Variants in TUFT1 observed in about 807,000 individuals in gnomAD.
TUFT1 encodes tuftelin 1.
A neutral mutation model predicts 57.8 loss-of-function variants in TUFT1; 43 were observed. The ratio of observed to expected loss-of-function variants is 0.74; its 90% CI spans 0.58 to 0.96. TUFT1 has a LOEUF of 0.96. Ranked by LOEUF, TUFT1 falls within the 40% of genes least tolerant of loss-of-function variation. The pLI, the probability that TUFT1 is intolerant of heterozygous loss-of-function variation, is 0.00. For synonymous variants in TUFT1, 166 were observed against 176.7 expected, an observed-to-expected ratio of 0.94 and a Z score of 0.48; for missense variants, 459 against 489.0, an observed-to-expected ratio of 0.94 and a Z score of 0.58.
chr1:151,540,375 G>A lies in TUFT1; in HGVS notation c.9G>A (p.Gly3=), dbSNP rs776077911. MN[G]TRNWCTLVDV... is the part of the protein sequence containing the mutation. ...TGCGACCCCGAGGGAAGATGAACGG[G>A]ACGCGGAACTGGTGTACCCTGGTGG... Residue 3 remains glycine, a synonymous_variant, in exon 1 of 13, where the codon GGG becomes GGA. Transcript: ENST00000368849. The A allele has an allele frequency of 2.2e-5, 35 of 1,614,056 alleles. No individual in the cohort carries two copies. Among genetic ancestry groups the A allele is most frequent in the Middle Eastern group, 3.3e-4 (2 of 6,080 alleles).
chr1:151,566,730 A>G (rs533431193), intron 6 of TUFT1, among the ~76,000 whole-genome samples: 44 of 152,222 alleles, frequency 2.9e-4, no homozygotes, highest in Non-Finnish European at 5.0e-4. Flanking sequence ...AAATATATGT[A>G]TATAATATAC....
At chr1:151,569,375 C>T (rs1056198421) in intron 6 of TUFT1, among the ~76,000 whole-genome samples, 1 of 152,104 alleles carries the variant, frequency 6.6e-6, no homozygotes, top group African/African-American at 2.4e-5. Context: ...ACCAAGAAAT[C>T]GATTAGTGGA....
intron 4 of TUFT1, 74 bp from the exon 5 acceptor site, chr1:151,564,451 G>A: frequency 9.0e-7 from 1 of 1,116,822 alleles, no homozygotes; most frequent in South Asian, 1.3e-5. Flanking sequence ...CCAGGGATGG[G>A]GCACAGAGTT....
chr1:151,551,411 T>A (rs1665503890), intron 1 of TUFT1, among the ~76,000 whole-genome samples: 1 of 152,214 alleles, frequency 6.6e-6, no homozygotes, highest in Non-Finnish European at 1.5e-5. Flanking sequence ...AGCTTATGAT[T>A]TTCTCGGGGG....
chr1:151,542,282 A>G (rs1200299291), intron 1 of TUFT1, among the ~76,000 whole-genome samples: 2 of 151,448 alleles, frequency 1.3e-5, no homozygotes, highest in African/African-American at 4.9e-5. Flanking sequence ...GTGCAATGGC[A>G]TGATCTCAGC....
chr1:151,552,474 C>T (rs1415737458), intron 1 of TUFT1, among the ~76,000 whole-genome samples: 6 of 152,090 alleles, frequency 3.9e-5, no homozygotes, highest in South Asian at 2.1e-4. Flanking sequence ...GAAGCCGAGG[C>T]GGGTGGATTA....
intron 6 of TUFT1, among the ~76,000 whole-genome samples, chr1:151,567,478 C>T (rs1265534823): frequency 6.6e-6 from 1 of 152,146 alleles, no homozygotes; most frequent in Non-Finnish European, 1.5e-5. Flanking sequence ...AAGTGATCTG[C>T]CCACCTCGGC....
chr1:151,565,243 A>G (rs1045313112), intron 5 of TUFT1, among the ~76,000 whole-genome samples: 5 of 152,206 alleles, frequency 3.3e-5, no homozygotes, highest in Non-Finnish European at 7.3e-5. Flanking sequence ...TGGGAGGGAT[A>G]ATCCTGGGAT....
intron 9 of TUFT1, among the ~76,000 whole-genome samples, 158 bp from the exon 10 acceptor site, chr1:151,578,563 T>G (rs1183383544): frequency 6.6e-6 from 1 of 152,074 alleles, no homozygotes; most frequent in African/African-American, 2.4e-5. Flanking sequence ...AATGTGATAT[T>G]CTAAGGTACC....
intron 1 of TUFT1, among the ~76,000 whole-genome samples, chr1:151,557,111 A>C (rs1005889634): frequency 4.6e-5 from 7 of 151,818 alleles, no homozygotes; most frequent in African/African-American, 1.7e-4. Context: ...TTCATTTATA[A>C]TGTTTTTGAG....
At chr1:151,563,551 T>C (rs1438937045) in intron 3 of TUFT1, among the ~76,000 whole-genome samples, 1 of 152,140 alleles carries the variant, frequency 6.6e-6, no homozygotes, top group East Asian at 1.9e-4. Context: ...GCCATCTAGG[T>C]TTGTGTGTGT....
rs182273527 is a variant in TUFT1, at chr1:151,554,231, C to T, written c.61-7860C>T. ...ACAAAGTTGTAGACTATCTGGGTTTCACCACTTTTTCCACTAATATCTTTT... is the reference window on the plus strand; with the variant it reads ...ACAAAGTTGTAGACTATCTGGGTTTTACCACTTTTTCCACTAATATCTTTT... On this transcript the variant is annotated intron_variant, in intron 1 of 12. Transcript: ENST00000368849. 6.1e-4 allele frequency among the ~76,000 whole-genome samples: 93 copies of T among 152,306 alleles called. 1 individual carries two copies. In the Middle Eastern group the frequency reaches 0.014, roughly 22 times the overall value.
chr1:151,549,587 A>G (rs1377481248), intron 1 of TUFT1, among the ~76,000 whole-genome samples: 3 of 151,962 alleles, frequency 2.0e-5, no homozygotes, highest in Non-Finnish European at 2.9e-5. Flanking sequence ...ACATCTATCT[A>G]CTCTTCCTAA....
At chr1:151,565,129 C>T (rs1666022344) in intron 5 of TUFT1, 1 of 152,738 alleles carries the variant, frequency 6.5e-6, no homozygotes, top group Admixed American at 6.5e-5. Context: ...CCCACCCCAC[C>T]CCACCTCGTG....
Position 151,580,969 on chromosome 1 carries a change from C to A in TUFT1, c.1036C>A (p.His346Asn). 1 of 1,614,104 alleles carries A rather than the reference C, an allele frequency of 6.2e-7. No homozygotes were observed. The highest frequency in any genetic ancestry group is 8.5e-7 in the Non-Finnish European group (1 of 1,180,024). ...ENLEMHDRME[H>N]LIEKQISHGN... Reference sequence around the variant, plus strand: ...TTTAGAGATGCATGACCGGATGGAACACCTGATAGAAAAACAAATCAGTCA... The same window carrying A: ...TTTAGAGATGCATGACCGGATGGAAAACCTGATAGAAAAACAAATCAGTCA... Residue 346 changes from histidine to asparagine, a missense_variant, in exon 12 of 13, where the codon CAC (histidine) becomes AAC (asparagine). Physicochemically the swap from His to Asn is moderately conservative, Grantham distance 68 (BLOSUM62 1). Coordinates refer to ENST00000368849, the MANE Select transcript of TUFT1 (RefSeq NM_020127.3).
At chr1:151,547,632 C>T (rs1665381146) in intron 1 of TUFT1, among the ~76,000 whole-genome samples, 1 of 152,064 alleles carries the variant, frequency 6.6e-6, no homozygotes. Flanking sequence ...AGCACAGAAG[C>T]AAAAATCACT....
chr1:151,578,844 G>A lies in TUFT1; in HGVS notation c.924+18G>A, dbSNP rs3748608. ...TAGAGCAGGTAAGTTGGGCTGGTTT[G>A]TAACCTGCCCTCGGGGAGTCACCCC... On this transcript the variant is annotated intron_variant, in intron 10 of 12. Coordinates refer to ENST00000368849, the MANE Select transcript of TUFT1 (RefSeq NM_020127.3). 0.65 allele frequency: 1,006,453 copies of A among 1,544,108 alleles called. 335,994 individuals are homozygous for A. Among genetic ancestry groups the A allele is most frequent in the Middle Eastern group, 0.72 (4,189 of 5,824 alleles).
At chr1:151,553,818 A>AT (rs533808739) in intron 1 of TUFT1, among the ~76,000 whole-genome samples, 12 of 147,802 alleles carry the variant, frequency 8.1e-5, no homozygotes, top group African/African-American at 1.5e-4. Context: ...AACACTTCGT[A>AT]TTTTTTTTTT....
intron 9 of TUFT1, among the ~76,000 whole-genome samples, chr1:151,575,308 C>T (rs959108023): frequency 6.6e-6 from 1 of 152,192 alleles, no homozygotes; most frequent in South Asian, 2.1e-4. Flanking sequence ...TGCTGTGTGT[C>T]ATTCCACAGA....
Sources: allele counts gnomAD v4.1 joint callset (sites outside exome capture counted in the v4.1 genomes callset), GRCh38; gene constraint gnomAD v4.1.1; transcripts MANE v1.5; gene names NCBI Gene and HGNC (gene_info 2026-07-23, HGNC 2026-07-21).